The following RFX7 variants were observed in gnomAD, a reference collection of about 807,000 sequenced individuals.
The protein encoded by RFX7 is DNA-binding protein RFX7.
RFX7 carries 26 observed loss-of-function variants against 111.8 expected under a neutral mutation model. That is an observed-to-expected ratio of 0.23 (90% CI 0.17 to 0.32). The LOEUF (loss-of-function observed/expected upper bound fraction) is 0.32. Ranked by LOEUF, RFX7 falls within the 10% of genes least tolerant of loss-of-function variation. RFX7 has a pLI of 1.00. For missense variants in RFX7, 1,573 were observed against 1,772.9 expected, an observed-to-expected ratio of 0.89 and a Z score of 2.02; for synonymous variants, 624 against 624.4, an observed-to-expected ratio of 1.00 and a Z score of 0.01.
rs1337417451 is a variant in RFX7, at chr15:56,088,194, TGCA to T, written c.*5148_*5150del. ...CAAAGAAGCAACCAGATCATACAAC[TGCA>T]GTAGGTACACTGTGAACACATATCT... On this transcript the variant is annotated 3_prime_UTR_variant, in exon 10 of 10. Transcript: ENST00000559447. The T allele has an allele frequency of 5.4e-6, 1 of 185,958 alleles. No homozygotes were observed. The highest frequency in any genetic ancestry group is 1.1e-5 in the Non-Finnish European group (1 of 87,874). The allele number at this position is 185,958 out of a possible 1,614,324, so 11.5% of individuals were successfully genotyped here.
At chr15:56,212,738 C>T (rs1006105880) in intron 2 of RFX7, among the ~76,000 whole-genome samples, 4 of 151,908 alleles carry the variant, frequency 2.6e-5, no homozygotes, top group Admixed American at 6.6e-5. Context: ...ACATTTCATA[C>T]GTATATCCAA....
rs978977827 is a variant in RFX7, at chr15:56,096,157, G to C, written c.1571C>G (p.Ser524Cys). The change falls in exon 10 of 10, where the codon TCC becomes TGC. Residue 524 changes from serine to cysteine, a missense_variant. Ser to Cys is a moderately radical substitution (Grantham distance 112). This residue lies in a region of RFX7 where 625 missense variants were observed against 632.2 expected (regional missense o/e 0.99). Transcript: ENST00000559447. ...TGTTCCCCCCGCACTGCTGCTCCTG[G>C]ACCCAGGAGACTGAAGCGACACGAC... ...GSVVSLQSPG[S>C]RSSSAGGTSA... The C allele has an allele frequency of 1.2e-6, 2 of 1,613,834 alleles. No individual in the cohort carries two copies.
At chr15:56,144,972 G>A (rs549786311) in intron 3 of RFX7, among the ~76,000 whole-genome samples, 32 of 152,218 alleles carry the variant, frequency 2.1e-4, no homozygotes, top group African/African-American at 7.7e-4. Flanking sequence ...TGTGACTGAT[G>A]GTGCTACTGT....
chr15:56,118,591 T>C (rs1286296608), intron 5 of RFX7, among the ~76,000 whole-genome samples: 3 of 152,246 alleles, frequency 2.0e-5, no homozygotes, highest in Admixed American at 1.3e-4. Flanking sequence ...TATCCATTCA[T>C]CTGCTGATAG....
Position 56,095,472 on chromosome 15 carries a change from T to G in RFX7, c.2256A>C (p.Ser752=). The G allele has an allele frequency of 1.2e-6, 2 of 1,612,470 alleles. No individual in the cohort carries two copies. The highest frequency in any genetic ancestry group is 1.7e-6 in the Non-Finnish European group (2 of 1,179,844). ...CAAGTTTTACTTTTATATCTGGAGATGATGATGGGGTTGTTTGCTGTTCCA... is the reference window on the plus strand; with the variant it reads ...CAAGTTTTACTTTTATATCTGGAGAGGATGATGGGGTTGTTTGCTGTTCCA... ...SALEQQTTPS[S]SPDIKVKLEG... is the part of the protein sequence containing the mutation. The change falls in exon 10 of 10, where the codon TCA becomes TCC. Residue 752 remains serine, a synonymous_variant. Coordinates refer to ENST00000559447, the MANE Select transcript of RFX7 (RefSeq NM_022841.7).
At chr15:56,234,148 A>C (rs769365888) in intron 2 of RFX7, among the ~76,000 whole-genome samples, 4 of 152,102 alleles carry the variant, frequency 2.6e-5, no homozygotes, top group South Asian at 2.1e-4. Context: ...TCTCTCCCTC[A>C]CCTAATTCTG....
chr15:56,176,957 T>C (rs192331968), intron 3 of RFX7, among the ~76,000 whole-genome samples: 80 of 152,074 alleles, frequency 5.3e-4, no homozygotes, highest in Admixed American at 6.5e-4. Flanking sequence ...AAAAAACAGA[T>C]TGCACTATTC....
At chr15:56,151,763 G>A (rs1200400990) in intron 3 of RFX7, among the ~76,000 whole-genome samples, 2 of 152,056 alleles carry the variant, frequency 1.3e-5, no homozygotes, top group Non-Finnish European at 2.9e-5. Flanking sequence ...ACACAGACTG[G>A]CAAATTAGAT....
intron 5 of RFX7, among the ~76,000 whole-genome samples, chr15:56,105,221 C>A (rs958265643): frequency 6.6e-6 from 1 of 152,180 alleles, no homozygotes; most frequent in Non-Finnish European, 1.5e-5. Context: ...TCTCTTCCGA[C>A]TAAAGCAACG....
In RFX7 at chr15:56,098,135, G is replaced by A; in HGVS notation, c.1053C>T (p.Ile351=). 1 of 1,613,916 alleles carries A rather than the reference G, an allele frequency of 6.2e-7. No individual in the cohort carries two copies. Among genetic ancestry groups the A allele is most frequent in the African/African-American group, 1.3e-5 (1 of 75,050 alleles). The change falls in exon 9 of 10, where the codon ATC becomes ATT. Residue 351 remains isoleucine, a synonymous_variant. Coordinates refer to ENST00000559447, the MANE Select transcript of RFX7 (RefSeq NM_022841.7). The stretch of plus-strand genomic sequence containing the variant: ...CGATACCAATAGGTTGAGGAGAAAG[G>A]ATTGAAGGATTTCCATTAGGAAGAT... ...VTNLPNGNPS[I]LSPQPIGIVV... is the part of the protein sequence containing the mutation.
intron 2 of RFX7, among the ~76,000 whole-genome samples, chr15:56,204,936 A>G (rs1415105482): frequency 6.6e-6 from 1 of 152,212 alleles, no homozygotes; most frequent in Non-Finnish European, 1.5e-5. Context: ...TAGTATACAC[A>G]GAAACATCTA....
At chr15:56,139,696 T>C (rs1214679630) in intron 5 of RFX7, among the ~76,000 whole-genome samples, 47 of 152,196 alleles carry the variant, frequency 3.1e-4, no homozygotes, top group African/African-American at 1.1e-3. Context: ...GGCGCTCTGG[T>C]TTTTAGAGTT....
intron 2 of RFX7, among the ~76,000 whole-genome samples, chr15:56,187,592 T>C (rs182401565): frequency 1.3e-5 from 2 of 152,150 alleles, no homozygotes; most frequent in East Asian, 1.9e-4. Flanking sequence ...AGGACAAAGT[T>C]TGGGGTTGCC....
intron 2 of RFX7, among the ~76,000 whole-genome samples, chr15:56,191,110 T>C (rs2043096579): frequency 1.3e-5 from 2 of 152,208 alleles, no homozygotes; most frequent in South Asian, 4.1e-4. Context: ...CTGGCCAATT[T>C]TTGTCACTGG....
intron 2 of RFX7, among the ~76,000 whole-genome samples, chr15:56,220,802 T>C (rs2043418992): frequency 3.3e-5 from 5 of 152,216 alleles, no homozygotes; most frequent in Admixed American, 3.3e-4. Flanking sequence ...AGGGTTTTTA[T>C]AGTTTTAGGT....
At chr15:56,104,951 CA>C (rs1288206254) in intron 5 of RFX7, among the ~76,000 whole-genome samples, 3 of 152,116 alleles carry the variant, frequency 2.0e-5, no homozygotes, top group Non-Finnish European at 4.4e-5. Flanking sequence ...TTTGAGGGCT[CA>C]GGGGGTCTTG....
At chr15:56,196,473 C>T (rs1037698983) in intron 2 of RFX7, among the ~76,000 whole-genome samples, 27 of 152,102 alleles carry the variant, frequency 1.8e-4, no homozygotes, top group African/African-American at 6.5e-4. Context: ...ACTTAATAGG[C>T]ATTAGAAGTT....
At chr15:56,152,263 C>T (rs1336581939) in intron 3 of RFX7, among the ~76,000 whole-genome samples, 1 of 152,170 alleles carries the variant, frequency 6.6e-6, no homozygotes, top group Admixed American at 6.5e-5. Context: ...CTTCTCAGCA[C>T]TTCATCACAC....
intron 5 of RFX7, among the ~76,000 whole-genome samples, chr15:56,117,384 T>C (rs1454686801): frequency 1.3e-5 from 2 of 152,124 alleles, no homozygotes; most frequent in South Asian, 2.1e-4. Flanking sequence ...GAGCAGCATA[T>C]GGTTTTGAAA....
Sources: gnomAD v4.1 joint callset for allele counts (sites outside exome capture counted in the v4.1 genomes callset) on GRCh38, gnomAD v4.1.1 for gene constraint, gnomAD v4.1.1 regional missense constraint, MANE v1.5 for transcripts, NCBI Gene and HGNC (gene_info 2026-07-23, HGNC 2026-07-21) for gene names.